PCDHGB6: variants seen among roughly 807,000 people sequenced by gnomAD.
The protein encoded by PCDHGB6 is protocadherin gamma-B6.
A neutral mutation model predicts 59.1 loss-of-function variants in PCDHGB6; 51 were observed. The observed-to-expected ratio is 0.86, with a 90% confidence interval of 0.69 to 1.09. The LOEUF (loss-of-function observed/expected upper bound fraction) is 1.09. PCDHGB6 is among the 50% of genes least tolerant of loss of function. PCDHGB6 has a pLI of 0.00. For missense variants in PCDHGB6, 1,148 were observed against 1,205.1 expected (o/e 0.95, Z 0.70); for synonymous variants, 466 against 495.1 (o/e 0.94, Z 0.78).
At chr5:141,453,185 C>T (rs2098757478) in intron 1 of PCDHGB6, among the ~76,000 whole-genome samples, 1 of 152,146 alleles carries the variant, frequency 6.6e-6, no homozygotes, top group South Asian at 2.1e-4. Flanking sequence ...ACAATCACAG[C>T]TCACTGCAGC....
At chr5:141,483,186 A>G (rs2099578047) in intron 1 of PCDHGB6, among the ~76,000 whole-genome samples, 1 of 152,174 alleles carries the variant, frequency 6.6e-6, no homozygotes, top group Non-Finnish European at 1.5e-5. Flanking sequence ...CAAGCCAAGG[A>G]GTTTTTATTT....
rs2099643895 is a variant in PCDHGB6 at position 141,487,385 on chromosome 5, C to T, written c.2419-7422C>T. 1.9e-6 allele frequency: 3 copies of T among 1,614,160 alleles called. No homozygotes were observed. The highest frequency in any genetic ancestry group is 1.1e-5 in the South Asian group (1 of 91,086). On this transcript the variant is annotated intron_variant, in intron 1 of 3. Transcript: ENST00000520790. This position sits in a 1 kb window ranked among gnomAD's most constrained non-coding sequence, Gnocchi z 5.0. Reference sequence around the variant, plus strand: ...CACCTGTGCCTGTCTCACCAGATCTCGAAGGAGGGAGGGGCTTCCCCCTTC... The same window carrying T: ...CACCTGTGCCTGTCTCACCAGATCTTGAAGGAGGGAGGGGCTTCCCCCTTC...
chr5:141,445,991 T>C (rs532620580), intron 1 of PCDHGB6, among the ~76,000 whole-genome samples: 147 of 152,168 alleles, frequency 9.7e-4, no homozygotes, highest in Admixed American at 3.4e-3. Context: ...TAAATAGAAA[T>C]AGGAAGATAA....
rs1054012796 is a variant in PCDHGB6 at position 141,420,071 on chromosome 5, G to C, written c.2418+9451G>C. The C allele has an allele frequency of 6.2e-7, 1 of 1,614,050 alleles. No individual in the cohort carries two copies. On this transcript the variant is annotated intron_variant, in intron 1 of 3. Coordinates refer to ENST00000520790, the MANE Select transcript of PCDHGB6 (RefSeq NM_018926.3). ...AGTTCTCTGCTCCAAGTCCGGACCT[G>C]TGGGTCCCCCCAACTACAGTGAGGG...
chr5:141,430,938 C>A, intron 1 of PCDHGB6: 1 of 1,607,082 alleles, frequency 6.2e-7, no homozygotes, highest in Non-Finnish European at 8.5e-7. Context: ...CGGGAGCTCG[C>A]GGAGCGCGGA....
rs776330769 is a variant in PCDHGB6 at position 141,413,206 on chromosome 5, T to G, written c.2418+2586T>G. The stretch of plus-strand genomic sequence containing the variant: ...CGCTCAAAGGAATCGCTCAAAGGAA[T>G]CAAAGGATTGCAGCGGGCTGGTCCT... On this transcript the variant is annotated intron_variant, in intron 1 of 3. Transcript: ENST00000520790. 4.3e-6 allele frequency: 7 copies of G among 1,612,936 alleles called. 1 individual carries two copies. In the South Asian group the frequency reaches 7.7e-5, roughly 18 times the overall value.
chr5:141,421,561 G>T (rs2096583505), intron 1 of PCDHGB6: 1 of 1,613,992 alleles, frequency 6.2e-7, no homozygotes, highest in Non-Finnish European at 8.5e-7. Context: ...ACTTCTCGTG[G>T]AAGACACCTT....
intron 1 of PCDHGB6, chr5:141,420,357 C>A: frequency 7.3e-7 from 1 of 1,376,278 alleles, no homozygotes; most frequent in East Asian, 2.6e-5. Flanking sequence ...TTTTAAGATT[C>A]TAGATAACTT....
chr5:141,476,040 G>T lies in PCDHGB6; in HGVS notation c.2419-18767G>T. On this transcript the variant is annotated intron_variant, in intron 1 of 3. Coordinates refer to ENST00000520790, the MANE Select transcript of PCDHGB6 (RefSeq NM_018926.3). This position sits in a 1 kb window ranked among gnomAD's most constrained non-coding sequence, Gnocchi z 7.6. ...CGGACTCGGCGCCCAGCGCCCAAGC[G>T]CTAACCCGCTGAAAGTTTCTCAGCG... is the stretch of plus-strand genomic sequence containing the variant. 1 of 1,488,704 alleles carries T rather than the reference G, an allele frequency of 6.7e-7. No homozygotes were observed. 92.2% of individuals were successfully genotyped at this position (1,488,704 alleles called of 1,614,324 possible).
chr5:141,482,099 A>AG (rs1423781570), intron 1 of PCDHGB6, among the ~76,000 whole-genome samples: 1 of 151,852 alleles, frequency 6.6e-6, no homozygotes, highest in African/African-American at 2.4e-5. Flanking sequence ...CAAAAAAAAA[A>AG]AAAAAATATC....
rs994726301 is a variant in PCDHGB6, at chr5:141,476,632, T to C, written c.2419-18175T>C. ...TGGGAAGCAACTCTTTACAAACCTA[T>C]GAGCTGAGCCGAAATGAATACTTTG... On this transcript the variant is annotated intron_variant, in intron 1 of 3. Transcript: ENST00000520790. The surrounding 1 kb of genome is among the most constrained non-coding windows in gnomAD (Gnocchi z 7.6). The C allele has an allele frequency of 8.7e-6, 14 of 1,614,098 alleles. No homozygotes were observed. Among genetic ancestry groups the C allele is most frequent in the Admixed American group, 1.7e-5 (1 of 60,016 alleles).
rs751145850 is a variant in PCDHGB6 at position 141,432,148 on chromosome 5, G to A, written c.2418+21528G>A. The A allele has an allele frequency of 6.1e-5, 99 of 1,613,884 alleles. No individual in the cohort carries two copies. The Admixed American group carries it at 1.5e-3, about 24-fold the overall frequency. On this transcript the variant is annotated intron_variant, in intron 1 of 3. Transcript: ENST00000520790. The surrounding 1 kb of genome is among the most constrained non-coding windows in gnomAD (Gnocchi z 6.0). ...CCTCCTATTCCGCTTATATCCCAGA[G>A]AACAATCCCAGAGGAGTTTCCCTCG...
At chr5:141,411,895 A>G (rs945335839) in intron 1 of PCDHGB6, 1 of 152,254 alleles carries the variant, frequency 6.6e-6, no homozygotes, top group Non-Finnish European at 1.5e-5. Context: ...TAAATGAAAT[A>G]CTATTGCCTT....
intron 3 of PCDHGB6, among the ~76,000 whole-genome samples, chr5:141,506,485 A>C (rs2154593953): frequency 6.6e-6 from 1 of 150,572 alleles, no homozygotes; most frequent in East Asian, 2.0e-4. Flanking sequence ...CTTTAGAGGC[A>C]GGCCAATCTG....
At position 141,476,581 on chromosome 5, in the gene PCDHGB6, G is replaced by A. The variant is rs1393235114; in HGVS notation, c.2419-18226G>A. The A allele has an allele frequency of 5.0e-6, 8 of 1,614,230 alleles. No individual in the cohort carries two copies. The highest frequency in any genetic ancestry group is 6.8e-6 in the Non-Finnish European group (8 of 1,180,042). ...CCGTGGCTCCGGGGACGCGCTTTCC[G>A]CTCGAGAGCGCGCACGATCCCGATG... On this transcript the variant is annotated intron_variant, in intron 1 of 3. Transcript: ENST00000520790. This position sits in a 1 kb window ranked among gnomAD's most constrained non-coding sequence, Gnocchi z 7.6.
intron 1 of PCDHGB6, among the ~76,000 whole-genome samples, chr5:141,474,248 A>G (rs2099346089): frequency 6.6e-6 from 1 of 152,220 alleles, no homozygotes; most frequent in African/African-American, 2.4e-5. Context: ...TAGGGGAAAA[A>G]AAGACTGATA....
intron 1 of PCDHGB6, chr5:141,414,230 C>G (rs367888906): frequency 6.2e-7 from 1 of 1,613,190 alleles, no homozygotes; most frequent in Non-Finnish European, 8.5e-7. Flanking sequence ...CCAGAGCTGA[C>G]CATCACGTCT....
Position 141,476,383 on chromosome 5 carries a change from C to T in PCDHGB6, c.2419-18424C>T, listed in dbSNP as rs547854431. The T allele has an allele frequency of 6.2e-7, 1 of 1,613,984 alleles. No homozygotes were observed. The highest frequency in any genetic ancestry group is 8.5e-7 in the Non-Finnish European group (1 of 1,180,044). On this transcript the variant is annotated intron_variant, in intron 1 of 3. Coordinates refer to ENST00000520790, the MANE Select transcript of PCDHGB6 (RefSeq NM_018926.3). This position sits in a 1 kb window ranked among gnomAD's most constrained non-coding sequence, Gnocchi z 7.6. ...GGGAGACCGGAGAGATGTTTGTGAA[C>T]GACCGTCTGGATCGAGAGGAGCTGT...
rs763187246 is a variant in PCDHGB6 at position 141,477,168 on chromosome 5, A to G, written c.2419-17639A>G. ...GTGGATGTGAATGACAACGCCCCGGAGATCACAGTCACCTCCGTGTACAGC... is the reference window on the plus strand; with the variant it reads ...GTGGATGTGAATGACAACGCCCCGGGGATCACAGTCACCTCCGTGTACAGC... On this transcript the variant is annotated intron_variant, in intron 1 of 3. Transcript: ENST00000520790. The surrounding 1 kb of genome is among the most constrained non-coding windows in gnomAD (Gnocchi z 4.9). The G allele has an allele frequency of 6.2e-7, 1 of 1,614,210 alleles. No homozygotes were observed. Among genetic ancestry groups the G allele is most frequent in the Non-Finnish European group, 8.5e-7 (1 of 1,180,040 alleles).
Sources: allele counts gnomAD v4.1 joint callset (sites outside exome capture counted in the v4.1 genomes callset), GRCh38; gene constraint gnomAD v4.1.1; non-coding constraint Gnocchi (gnomAD v3.1); transcripts MANE v1.5; gene names NCBI Gene and HGNC (gene_info 2026-07-23, HGNC 2026-07-21).